The following KATNAL2 variants were observed in gnomAD, a reference collection of about 807,000 sequenced individuals.
KATNAL2 encodes the protein katanin p60 ATPase-containing subunit A-like 2.
KATNAL2 carries 52 observed loss-of-function variants against 76.3 expected under a neutral mutation model. The observed-to-expected ratio is 0.68, with a 90% CI of 0.55 to 0.86. The LOEUF (loss-of-function observed/expected upper bound fraction) is 0.86. Ranked by LOEUF, KATNAL2 falls within the 40% of genes least tolerant of loss-of-function variation. The pLI is 0.00. For synonymous variants in KATNAL2, 243 were observed against 244.2 expected, an observed-to-expected ratio of 1.00 and a Z score of 0.05; for missense variants, 660 against 668.9, an observed-to-expected ratio of 0.99 and a Z score of 0.15.
Position 47,071,958 on chromosome 18 carries a change from T to C in KATNAL2, c.1008+2358T>C, listed in dbSNP as rs1327921305. 8.6e-4 allele frequency among the ~76,000 whole-genome samples: 24 copies of C among 28,016 alleles called. 3 individuals are homozygous for C. The highest frequency in any genetic ancestry group is 1.5e-3 in the Non-Finnish European group (19 of 12,444). 18.4% of individuals were successfully genotyped at this position (28,016 alleles called of 152,430 possible). On this transcript the variant is annotated intron_variant, in intron 13 of 17. Transcript: ENST00000683218. ...AATTCCTCTCCCAATTTCTTCTTTT[T>C]TTTTTTTTTTTTTTTTTTTTTTTTT...
chr18:47,033,484 T>C (rs1193733206), intron 3 of KATNAL2: 1 of 1,614,200 alleles, frequency 6.2e-7, no homozygotes, highest in South Asian at 1.1e-5. Flanking sequence ...CTTTTCTTCC[T>C]TGAAGTCCTG....
chr18:46,939,687 G>C (rs1343129741), intron 1 of KATNAL2, among the ~76,000 whole-genome samples: 4 of 152,194 alleles, frequency 2.6e-5, no homozygotes. Flanking sequence ...GTCAGAGACA[G>C]CATTCTTTTC....
chr18:47,062,952 T>C lies in KATNAL2; in HGVS notation c.550-20T>C, dbSNP rs1417176961. The C allele has an allele frequency of 1.3e-6, 2 of 1,588,488 alleles. No homozygotes were observed. The highest frequency in any genetic ancestry group is 2.7e-5 in the African/African-American group (2 of 74,324). On this transcript the variant is annotated intron_variant, in intron 8 of 17. Transcript: ENST00000683218. ...TTCTCTTATGTTCTCATGGCATAAA[T>C]AACCATTCCTCCCTTTCAGGGCCAA... is the stretch of plus-strand genomic sequence containing the variant.
In KATNAL2 at chr18:47,059,557, A is replaced by T. The variant is rs765552560; in HGVS notation, c.452A>T (p.Glu151Val). 6.3e-7 allele frequency: 1 copy of T among 1,598,714 alleles called. No homozygotes were observed. The highest frequency in any genetic ancestry group is 1.1e-5 in the South Asian group (1 of 90,716). ...KSLNKEHPNQ[E>V]VVDNTRLESA... ...GTGTCCTTGTCTCTCTTTCTTCAGGAGGTAGTTGATAACACTCGCCTGGAA... is the reference window on the plus strand; with the variant it reads ...GTGTCCTTGTCTCTCTTTCTTCAGGTGGTAGTTGATAACACTCGCCTGGAA... Residue 151 changes from glutamate to valine, a missense_variant and splice_region_variant, in exon 8 of 18, where the codon GAG becomes GTG. Glu to Val is a moderately radical substitution (Grantham distance 121). Transcript: ENST00000683218.
chr18:47,031,460 C>T (rs551559630), intron 3 of KATNAL2, among the ~76,000 whole-genome samples: 2 of 152,066 alleles, frequency 1.3e-5, no homozygotes, highest in African/African-American at 4.8e-5. Context: ...GGGTGTGTTT[C>T]TTCTGCAGAA....
At chr18:47,055,187 G>A (rs927615894) in intron 6 of KATNAL2, among the ~76,000 whole-genome samples, 2 of 152,180 alleles carry the variant, frequency 1.3e-5, no homozygotes, top group African/African-American at 2.4e-5. Flanking sequence ...AAATACCCAG[G>A]GGAACAAGGG....
chr18:47,099,058 TTC>T (rs143221695), intron 15 of KATNAL2, 183 bp from the exon 16 acceptor site: 14,451 of 484,648 alleles, frequency 0.03, 279 homozygotes, highest in Non-Finnish European at 0.039. Context: ...CCTCCCTCAG[TTC>T]TCTTTCTCAC....
chr18:46,929,857 C>A (rs1161458819), intron 1 of KATNAL2, among the ~76,000 whole-genome samples: 2 of 152,132 alleles, frequency 1.3e-5, no homozygotes, highest in Admixed American at 6.6e-5. Flanking sequence ...TTACTGCAAC[C>A]TCTGCCTCCC....
intron 3 of KATNAL2, among the ~76,000 whole-genome samples, chr18:46,948,834 C>T (rs1339562858): frequency 6.6e-6 from 1 of 151,810 alleles, no homozygotes; most frequent in Non-Finnish European, 1.5e-5. Flanking sequence ...ATGGGTAGGA[C>T]AATGGATCAA....
chr18:47,060,322 C>T (rs2061595335), intron 8 of KATNAL2, among the ~76,000 whole-genome samples: 1 of 152,172 alleles, frequency 6.6e-6, no homozygotes, highest in Non-Finnish European at 1.5e-5. Context: ...TCTGTCCTGT[C>T]AGTGGCATTT....
At chr18:47,070,221 C>T (rs562496888) in intron 13 of KATNAL2, among the ~76,000 whole-genome samples, 9 of 151,760 alleles carry the variant, frequency 5.9e-5, no homozygotes, top group Admixed American at 2.0e-4. Flanking sequence ...CTCAGCCTCC[C>T]GAATAGCTGG....
At chr18:47,078,337 A>AAC (rs2062342135) in intron 15 of KATNAL2, among the ~76,000 whole-genome samples, 1 of 152,258 alleles carries the variant, frequency 6.6e-6, no homozygotes, top group African/African-American at 2.4e-5. Context: ...AGTCATTGAA[A>AAC]AAAACCATAA....
intron 1 of KATNAL2, among the ~76,000 whole-genome samples, chr18:46,939,405 A>C (rs2146613293): frequency 6.6e-6 from 1 of 152,266 alleles, no homozygotes; most frequent in South Asian, 2.1e-4. Context: ...ATGTCATCTC[A>C]GTGGTAAAAT....
intron 6 of KATNAL2, among the ~76,000 whole-genome samples, chr18:47,057,692 G>A (rs2061510095): frequency 6.6e-6 from 1 of 152,210 alleles, no homozygotes. Flanking sequence ...ATGAAGGGAA[G>A]TTTGTTTTCC....
At position 47,099,191 on chromosome 18, in the gene KATNAL2, T is replaced by A. The variant is rs1270568719; in HGVS notation, c.1212-52T>A. 7.1e-6 allele frequency: 11 copies of A among 1,539,238 alleles called. No homozygotes were observed. The East Asian group carries it at 2.3e-4, about 32-fold the overall frequency. On this transcript the variant is annotated intron_variant, in intron 15 of 17. Coordinates refer to ENST00000683218, the MANE Select transcript of KATNAL2 (RefSeq NM_001387690.1). ...ATTGTTCTTAAAGTACAGTTGTTGT[T>A]CAGGAAGTGTGTTTGCAGCCCTGTC...
At chr18:46,953,649 T>C (rs1337559066) in intron 3 of KATNAL2, among the ~76,000 whole-genome samples, 1 of 152,010 alleles carries the variant, frequency 6.6e-6, no homozygotes, top group African/African-American at 2.4e-5. Flanking sequence ...CTCAGCTACC[T>C]GGAGGGCTAA....
intron 4 of KATNAL2, among the ~76,000 whole-genome samples, chr18:47,046,879 G>A (rs1048565759): frequency 3.3e-5 from 5 of 152,002 alleles, no homozygotes; most frequent in South Asian, 2.1e-4. Flanking sequence ...AAATCATTTC[G>A]CTGCCCTAAA....
At chr18:47,033,774 G>C (rs1159774092) in intron 3 of KATNAL2, 1 of 1,614,100 alleles carries the variant, frequency 6.2e-7, no homozygotes, top group Non-Finnish European at 8.5e-7. Context: ...CTTCCTCCCG[G>C]AACTTTGGTG....
intron 3 of KATNAL2, among the ~76,000 whole-genome samples, chr18:47,039,383 C>G (rs1273820481): frequency 2.0e-5 from 3 of 152,118 alleles, no homozygotes; most frequent in African/African-American, 7.2e-5. Context: ...ACCTGCCATC[C>G]CCTCCACCCA....
Sources: allele counts gnomAD v4.1 joint callset (sites outside exome capture counted in the v4.1 genomes callset), GRCh38; gene constraint gnomAD v4.1.1; transcripts MANE v1.5; gene names NCBI Gene and HGNC (gene_info 2026-07-23, HGNC 2026-07-21).